Variants in SEMA3A observed in about 807,000 individuals in gnomAD.
SEMA3A encodes the protein semaphorin-3A.
Under a neutral mutation model 97.9 loss-of-function variants are expected in SEMA3A, and 29 were observed. The observed-to-expected ratio is 0.30, with a 90% CI of 0.22 to 0.40. The LOEUF is 0.40. Among genes scored for constraint, SEMA3A ranks in the 10% least tolerant of loss-of-function variants. SEMA3A has a pLI of 1.00. For synonymous variants in SEMA3A, 321 were observed against 323.7 expected (o/e 0.99, Z 0.09); for missense variants, 763 against 951.3 (o/e 0.80, Z 2.60).
intron 5 of SEMA3A, among the ~76,000 whole-genome samples, chr7:84,055,677 C>T (rs958625771): frequency 3.9e-5 from 6 of 152,202 alleles, no homozygotes; most frequent in Admixed American, 3.3e-4. Context: ...GCGTTGCTCA[C>T]GCTCGGAGCT....
In SEMA3A at chr7:84,173,603, T is replaced by C. The variant is rs376574068; in HGVS notation, c.112+20872A>G. ...AAAAAATTTACAAAAATTGTTGTTT[T>C]ACTTTTTAGAAAGATGTATTTGATT... On this transcript the variant is annotated intron_variant, in intron 1 of 16. Transcript: ENST00000265362. Among the ~76,000 whole-genome samples the C allele has an allele frequency of 1.3e-4, 20 of 151,984 alleles. No homozygotes were observed. The East Asian group carries it at 2.7e-3, about 21-fold the overall frequency.
At chr7:84,211,010 C>T (rs143745568) in intron 3 of SEMA3A, among the ~76,000 whole-genome samples, 1,747 of 152,104 alleles carry the variant, frequency 0.011, 47 homozygotes, top group African/African-American at 0.04. Flanking sequence ...ACTTTTTGTT[C>T]ATGTTTTTTA....
At chr7:84,370,436 A>C (rs918059291) in intron 2 of SEMA3A, among the ~76,000 whole-genome samples, 1 of 151,702 alleles carries the variant, frequency 6.6e-6, no homozygotes, top group African/African-American at 2.4e-5. Flanking sequence ...GACACCTCTT[A>C]AGATAAAATA....
At chr7:84,415,709 C>A (rs1584306574) in intron 1 of SEMA3A, among the ~76,000 whole-genome samples, 1 of 151,924 alleles carries the variant, frequency 6.6e-6, no homozygotes, top group East Asian at 1.9e-4. Flanking sequence ...AAATATGTAG[C>A]ATGTTTTGGC....
intron 13 of SEMA3A, among the ~76,000 whole-genome samples, chr7:83,983,236 T>C (rs1789498277): frequency 6.7e-6 from 1 of 150,346 alleles, no homozygotes; most frequent in Non-Finnish European, 1.5e-5. Context: ...TTTCTTTCTT[T>C]CTTTTCTTTC....
intron 2 of SEMA3A, among the ~76,000 whole-genome samples, chr7:84,321,872 G>GGAAAAA (rs1313442553): frequency 5.0e-4 from 6 of 12,068 alleles, no homozygotes; most frequent in African/African-American, 1.3e-3. Context: ...CGAGACTACG[G>GGAAAAA]AAAAAAAAAA....
At chr7:84,079,810 C>G (rs1794085868) in intron 4 of SEMA3A, among the ~76,000 whole-genome samples, 1 of 128,464 alleles carries the variant, frequency 7.8e-6, no homozygotes, top group Non-Finnish European at 1.6e-5. Flanking sequence ...CCTCAGGGAT[C>G]TAGAACTAGA....
At chr7:84,153,037 T>G (rs1796727296) in intron 1 of SEMA3A, among the ~76,000 whole-genome samples, 1 of 152,148 alleles carries the variant, frequency 6.6e-6, no homozygotes, top group African/African-American at 2.4e-5. Flanking sequence ...GAAATTAGTT[T>G]AAAAGTTCAT....
At position 84,002,120 on chromosome 7, in the gene SEMA3A, T is replaced by C. The variant is rs1790479523; in HGVS notation, c.1361-74A>G. ...GAGATTAGTGTTAATGAATGAAATATGTATTTGTCAGACAAAGAACCTTTG... is the reference window on the plus strand; with the variant it reads ...GAGATTAGTGTTAATGAATGAAATACGTATTTGTCAGACAAAGAACCTTTG... On this transcript the variant is annotated intron_variant, in intron 11 of 16. Coordinates refer to ENST00000265362, the MANE Select transcript of SEMA3A (RefSeq NM_006080.3). 3 of 836,108 alleles carry C rather than the reference T, an allele frequency of 3.6e-6. No individual in the cohort carries two copies. The African/African-American group carries it at 5.4e-5, about 15-fold the overall frequency. The allele number at this position is 836,108 out of a possible 1,614,324, so 51.8% of individuals were successfully genotyped here. A position where few individuals can be genotyped will look rare whatever the true frequency, so the allele number is the denominator to read the frequency against.
At chr7:84,239,459 C>T (rs1172860433) in intron 3 of SEMA3A, among the ~76,000 whole-genome samples, 2 of 152,080 alleles carry the variant, frequency 1.3e-5, no homozygotes, top group African/African-American at 2.4e-5. Flanking sequence ...AAATGGAAGA[C>T]ATGGGTAATA....
chr7:84,105,698 A>G (rs964074789), intron 4 of SEMA3A, among the ~76,000 whole-genome samples: 1 of 152,168 alleles, frequency 6.6e-6, no homozygotes, highest in Non-Finnish European at 1.5e-5. Context: ...TCCTAAATTC[A>G]TACTTTGTTT....
In SEMA3A at chr7:84,335,115, T is replaced by C. The variant is rs375381727; in HGVS notation, c.-168-27823A>G. Among the ~76,000 whole-genome samples the C allele has an allele frequency of 3.9e-5, 6 of 152,296 alleles. No homozygotes were observed. The South Asian group carries it at 8.3e-4, about 21-fold the overall frequency. Reference sequence around the variant, plus strand: ...TTTGAAATACTTTGAATCTATTCTGTAAGATAGGGAGGATAAACTCTCTAA... The same window carrying C: ...TTTGAAATACTTTGAATCTATTCTGCAAGATAGGGAGGATAAACTCTCTAA... On this transcript the variant is annotated intron_variant, in intron 2 of 3. Transcript: ENST00000424555.
At chr7:84,107,623 T>A (rs890190095) in intron 4 of SEMA3A, among the ~76,000 whole-genome samples, 1 of 152,104 alleles carries the variant, frequency 6.6e-6, no homozygotes, top group Non-Finnish European at 1.5e-5. Flanking sequence ...TATTAGCTAT[T>A]TGGGTAGAGG....
chr7:84,086,863 T>C (rs1201171278), intron 4 of SEMA3A, among the ~76,000 whole-genome samples: 3 of 151,660 alleles, frequency 2.0e-5, no homozygotes, highest in Non-Finnish European at 4.4e-5. Context: ...CTTCATCACA[T>C]ACTCCACTAA....
At chr7:84,099,881 A>T (rs1794905085) in intron 4 of SEMA3A, among the ~76,000 whole-genome samples, 1 of 152,120 alleles carries the variant, frequency 6.6e-6, no homozygotes. Flanking sequence ...TTTCTCTCAT[A>T]TTTATGCCAG....
intron 4 of SEMA3A, among the ~76,000 whole-genome samples, chr7:84,065,693 G>A (rs868042593): frequency 0.013 from 1,989 of 151,676 alleles, 34 homozygotes; most frequent in African/African-American, 0.035. Flanking sequence ...ATTCCTCGAC[G>A]TATACACTCT....
chr7:84,014,858 T>A (rs1212024915), intron 6 of SEMA3A, among the ~76,000 whole-genome samples: 1 of 152,118 alleles, frequency 6.6e-6, no homozygotes, highest in Non-Finnish European at 1.5e-5. Context: ...GTCATTCCAC[T>A]AGATACACAG....
At chr7:84,069,858 T>A (rs1019715063) in intron 4 of SEMA3A, among the ~76,000 whole-genome samples, 24 of 152,116 alleles carry the variant, frequency 1.6e-4, no homozygotes, top group Non-Finnish European at 4.4e-5. Context: ...AGCAAGACCT[T>A]AATTTAGATG....
intron 2 of SEMA3A, among the ~76,000 whole-genome samples, chr7:84,325,151 CT>C (rs1310736868): frequency 1.6e-5 from 2 of 123,478 alleles, no homozygotes; most frequent in Non-Finnish European, 3.6e-5. Context: ...ATCTATCTAT[CT>C]ATCTATCTAT....
Sources: gnomAD v4.1 joint callset for allele counts (sites outside exome capture counted in the v4.1 genomes callset) on GRCh38, gnomAD v4.1.1 for gene constraint, MANE v1.5 for transcripts, NCBI Gene and HGNC (gene_info 2026-07-23, HGNC 2026-07-21) for gene names.